NRXN3: variants seen among roughly 807,000 people sequenced by gnomAD.
The protein encoded by NRXN3 is neurexin III.
In NRXN3, 32 loss-of-function variants were observed where a neutral mutation model predicts 137.6. The ratio of observed to expected loss-of-function variants is 0.23; its 90% CI spans 0.18 to 0.31. The LOEUF (loss-of-function observed/expected upper bound fraction) is 0.31. NRXN3 is among the 10% of genes least tolerant of loss of function. The probability of loss-of-function intolerance (pLI) is 1.00; values close to 1 mark genes in which losing one functional copy is unlikely to be tolerated. For synonymous variants in NRXN3, 798 were observed against 784.5 expected (o/e 1.02, Z -0.29); for missense variants, 1,574 against 2,062.5 (o/e 0.76, Z 4.59).
intron 16 of NRXN3, among the ~76,000 whole-genome samples, chr14:79,577,812 C>T (rs1260781683): frequency 6.6e-6 from 1 of 152,066 alleles, no homozygotes; most frequent in African/African-American, 2.4e-5. Flanking sequence ...CTTTGAGGTC[C>T]GGATCAATAC....
At chr14:78,574,839 A>G (rs2096921665) in intron 4 of NRXN3, among the ~76,000 whole-genome samples, 1 of 152,204 alleles carries the variant, frequency 6.6e-6, no homozygotes, top group Non-Finnish European at 1.5e-5. Context: ...TAAGCATAAA[A>G]TAATGGCAAA....
intron 4 of NRXN3, among the ~76,000 whole-genome samples, chr14:78,544,294 C>T (rs2096618286): frequency 6.6e-6 from 1 of 152,224 alleles, no homozygotes; most frequent in African/African-American, 2.4e-5. Flanking sequence ...CATCTCTCCT[C>T]ACTGAGACCA....
At chr14:79,502,224 A>G (rs2096832569) in intron 16 of NRXN3, among the ~76,000 whole-genome samples, 1 of 152,166 alleles carries the variant, frequency 6.6e-6, no homozygotes, top group Non-Finnish European at 1.5e-5. Context: ...TCCTCTTTAA[A>G]AGGCCAAAAT....
intron 15 of NRXN3, among the ~76,000 whole-genome samples, chr14:79,110,758 ATTATT>A (rs1166833505): frequency 7.7e-6 from 1 of 130,420 alleles, no homozygotes; most frequent in African/African-American, 2.8e-5. Context: ...ATGAGAAATT[ATTATT>A]TTATTTATTT....
At chr14:79,183,930 T>C (rs966572070) in intron 15 of NRXN3, among the ~76,000 whole-genome samples, 2 of 152,152 alleles carry the variant, frequency 1.3e-5, no homozygotes, top group Non-Finnish European at 1.5e-5. Context: ...TCTGAGATCA[T>C]AGGACCCAAG....
intron 15 of NRXN3, among the ~76,000 whole-genome samples, chr14:79,410,215 G>T (rs992338374): frequency 4.0e-5 from 6 of 151,342 alleles, no homozygotes; most frequent in Admixed American, 6.6e-5. Flanking sequence ...ACACACACAC[G>T]TGCATACTCT....
chr14:78,839,676 C>T (rs1008259036), intron 10 of NRXN3, among the ~76,000 whole-genome samples: 1 of 152,174 alleles, frequency 6.6e-6, no homozygotes, highest in Non-Finnish European at 1.5e-5. Context: ...GTTCACCACC[C>T]TCTCTGCCAA....
At chr14:79,452,172 G>T (rs140689178) in intron 15 of NRXN3, among the ~76,000 whole-genome samples, 429 of 151,916 alleles carry the variant, frequency 2.8e-3, no homozygotes, top group African/African-American at 9.6e-3. Context: ...TGCACATGGG[G>T]TATGCCAAAA....
intron 15 of NRXN3, among the ~76,000 whole-genome samples, chr14:79,017,590 C>G (rs2099581406): frequency 6.6e-6 from 1 of 152,118 alleles, no homozygotes; most frequent in Admixed American, 6.6e-5. Flanking sequence ...GGACTAAGGT[C>G]AATCACAATA....
chr14:79,756,633 TG>T (rs1405509062), intron 19 of NRXN3, among the ~76,000 whole-genome samples: 22 of 152,208 alleles, frequency 1.4e-4, no homozygotes, highest in Non-Finnish European at 2.6e-4. Flanking sequence ...AAGCAGATAA[TG>T]CCAGTAACAG....
chr14:78,431,667 A>G (rs2093883992), intron 4 of NRXN3, among the ~76,000 whole-genome samples: 1 of 152,118 alleles, frequency 6.6e-6, no homozygotes, highest in Non-Finnish European at 1.5e-5. Flanking sequence ...AAAAAAAATT[A>G]TGTGTAGACC....
chr14:79,335,321 T>C (rs2092161637), intron 15 of NRXN3, among the ~76,000 whole-genome samples: 1 of 152,130 alleles, frequency 6.6e-6, no homozygotes, highest in Non-Finnish European at 1.5e-5. Context: ...ACTTTGCTTT[T>C]TTCCTCTCCC....
At chr14:79,850,346 G>A (rs1304916931) in intron 20 of NRXN3, among the ~76,000 whole-genome samples, 2 of 152,050 alleles carry the variant, frequency 1.3e-5, no homozygotes, top group African/African-American at 2.4e-5. Context: ...TTCCTCTTGG[G>A]CCTCACCTCT....
In NRXN3 at chr14:79,861,842, G is replaced by A; in HGVS notation, c.4594G>A (p.Glu1532Lys). ...GGACGAGGGGTCCTATCAAGTGGAC[G>A]AGACGCGGAACTACATCAGCAACTC... ...NRDEGSYQVD[E>K]TRNYISNSAQ... Residue 1532 changes from glutamate (E) to lysine (K), a missense_variant, in exon 21 of 21, where the codon GAG becomes AAG. Glu to Lys is a moderately conservative substitution (Grantham distance 56). Transcript: ENST00000335750. This position sits in a 1 kb window ranked among gnomAD's most constrained non-coding sequence, Gnocchi z 5.4. 2 of 1,614,092 alleles carry A rather than the reference G, an allele frequency of 1.2e-6. 1 individual carries two copies. Among genetic ancestry groups the A allele is most frequent in the South Asian group, 2.2e-5 (2 of 91,076 alleles).
intron 2 of NRXN3, among the ~76,000 whole-genome samples, chr14:78,254,339 T>C (rs2153465249): frequency 6.6e-6 from 1 of 152,274 alleles, no homozygotes; most frequent in Admixed American, 6.5e-5. Context: ...GTTTTTAGCG[T>C]CTCTGAATTT....
chr14:79,548,306 G>A (rs2097340731), intron 16 of NRXN3, among the ~76,000 whole-genome samples: 1 of 152,116 alleles, frequency 6.6e-6, no homozygotes, highest in Admixed American at 6.5e-5. Context: ...TTCTGTTCCT[G>A]TGTTAGTTTG....
At chr14:78,952,536 GC>G (rs1567803275) in intron 10 of NRXN3, among the ~76,000 whole-genome samples, 1 of 152,170 alleles carries the variant, frequency 6.6e-6, no homozygotes. Flanking sequence ...TCACAGCTCA[GC>G]TAGCCTAGCC....
intron 2 of NRXN3, among the ~76,000 whole-genome samples, chr14:78,247,492 G>A (rs2067864366): frequency 6.6e-6 from 1 of 152,172 alleles, no homozygotes; most frequent in Non-Finnish European, 1.5e-5. Flanking sequence ...CAGAGAAGAG[G>A]CCCTAGATTT....
At chr14:78,841,876 T>TTAA (rs2099013431) in intron 10 of NRXN3, among the ~76,000 whole-genome samples, 1 of 152,162 alleles carries the variant, frequency 6.6e-6, no homozygotes, top group Non-Finnish European at 1.5e-5. Context: ...TTATATAATT[T>TTAA]TAATAAGTTT....
Sources: gnomAD v4.1 joint callset for allele counts (sites outside exome capture counted in the v4.1 genomes callset) on GRCh38, gnomAD v4.1.1 for gene constraint, Gnocchi (gnomAD v3.1) non-coding constraint, MANE v1.5 for transcripts, NCBI Gene and HGNC (gene_info 2026-07-23, HGNC 2026-07-21) for gene names.